GSG1L: variants seen among roughly 807,000 people sequenced by gnomAD.
GSG1L encodes the protein GSG1 like.
GSG1L carries 24 observed loss-of-function variants against 42.1 expected under a neutral mutation model. The ratio of observed to expected loss-of-function variants is 0.57; its 90% CI spans 0.41 to 0.80. GSG1L has a LOEUF of 0.80. Ranked by LOEUF, GSG1L falls within the 30% of genes least tolerant of loss-of-function variation. The pLI, the probability that GSG1L is intolerant of heterozygous loss-of-function variation, is 0.00. For missense variants in GSG1L, 445 were observed against 472.2 expected, an observed-to-expected ratio of 0.94 and a Z score of 0.53; for synonymous variants, 215 against 203.5, an observed-to-expected ratio of 1.06 and a Z score of -0.48.
intron 2 of GSG1L, among the ~76,000 whole-genome samples, chr16:27,889,836 C>T (rs553051659): frequency 2.0e-5 from 3 of 152,194 alleles, no homozygotes; most frequent in East Asian, 1.9e-4. Flanking sequence ...TCCTATGCTG[C>T]GCCTCTAGAT....
In GSG1L at chr16:27,936,889, G is replaced by A. The variant is rs149270958; in HGVS notation, c.397+26267C>T. ...CCAGCTCATTTAATTCAAAATAAAC[G>A]TCCAGGGCAGGAAAGTCATTGAGGC... is the stretch of plus-strand genomic sequence containing the variant. On this transcript the variant is annotated intron_variant, in intron 2 of 6. Coordinates refer to ENST00000447459, the MANE Select transcript of GSG1L (RefSeq NM_001109763.2). 2.9e-4 allele frequency among the ~76,000 whole-genome samples: 44 copies of A among 152,226 alleles called. 2 individuals carry two copies. The East Asian group carries it at 8.1e-3, about 28-fold the overall frequency.
intron 2 of GSG1L, among the ~76,000 whole-genome samples, chr16:27,962,777 G>A (rs377609606): frequency 9.2e-5 from 14 of 152,130 alleles, no homozygotes; most frequent in African/African-American, 3.1e-4. Flanking sequence ...ACAAAGGCCA[G>A]GCACCTGGCT....
intron 1 of GSG1L, among the ~76,000 whole-genome samples, chr16:28,045,698 A>G (rs1481349604): frequency 6.6e-6 from 1 of 151,946 alleles, no homozygotes; most frequent in Non-Finnish European, 1.5e-5. Flanking sequence ...AATACAATCA[A>G]GTCTTCCTAA....
chr16:27,832,058 T>G (rs920793073), intron 4 of GSG1L, among the ~76,000 whole-genome samples: 3 of 152,192 alleles, frequency 2.0e-5, no homozygotes, highest in Non-Finnish European at 4.4e-5. Flanking sequence ...TCTCCATCAT[T>G]CTGTATCACA....
rs559557117 is a variant in GSG1L, at chr16:27,914,414, T to A, written c.398-29776A>T. Among the ~76,000 whole-genome samples, 10 of 152,304 alleles carry A rather than the reference T, an allele frequency of 6.6e-5. No homozygotes were observed. The South Asian group carries it at 1.9e-3, about 28-fold the overall frequency. On this transcript the variant is annotated intron_variant, in intron 2 of 6. Transcript: ENST00000447459. The stretch of plus-strand genomic sequence containing the variant: ...TTCCAAATGTAATGATTATGAAGAA[T>A]GGAAAAATGGTTCTCTCTCCGAGCC...
intron 1 of GSG1L, among the ~76,000 whole-genome samples, chr16:28,017,467 G>T (rs1288224797): frequency 6.6e-6 from 1 of 152,216 alleles, no homozygotes; most frequent in African/African-American, 2.4e-5. Context: ...TCCATTCAAA[G>T]GAATCCGTGC....
chr16:28,044,618 G>A (rs925728111), intron 1 of GSG1L, among the ~76,000 whole-genome samples: 2 of 139,612 alleles, frequency 1.4e-5, no homozygotes, highest in Admixed American at 7.7e-5. Flanking sequence ...TGCAGGCAAC[G>A]AATGCTTTTT....
intron 1 of GSG1L, among the ~76,000 whole-genome samples, chr16:27,979,011 G>A (rs2085283057): frequency 6.6e-6 from 1 of 152,154 alleles, no homozygotes; most frequent in South Asian, 2.1e-4. Context: ...GAGGTGTCTA[G>A]GCTCAGAAGC....
intron 1 of GSG1L, among the ~76,000 whole-genome samples, chr16:28,057,323 C>T (rs147378644): frequency 8.2e-4 from 125 of 152,202 alleles, no homozygotes; most frequent in Middle Eastern, 6.8e-3. Flanking sequence ...TCTGATTGAC[C>T]GGCTGGCAGG....
At chr16:27,795,183 T>G (rs1440500215) in intron 6 of GSG1L, among the ~76,000 whole-genome samples, 1 of 151,844 alleles carries the variant, frequency 6.6e-6, no homozygotes, top group Non-Finnish European at 1.5e-5. Flanking sequence ...TGACTCTTTT[T>G]TTTTTCTTTT....
chr16:27,804,069 A>AGATAGAT (rs2082927230), intron 6 of GSG1L, among the ~76,000 whole-genome samples: 1 of 152,044 alleles, frequency 6.6e-6, no homozygotes, highest in South Asian at 2.1e-4. Flanking sequence ...ATAGATAGAT[A>AGATAGAT]GATAGATAGA....
intron 1 of GSG1L, chr16:27,998,227 C>T (rs1471446799): frequency 6.6e-6 from 1 of 152,188 alleles, no homozygotes; most frequent in Non-Finnish European, 1.5e-5. Flanking sequence ...TAATTTAGCT[C>T]CCATTTATAA....
chr16:27,869,546 C>A (rs1163112016), intron 3 of GSG1L, among the ~76,000 whole-genome samples: 1 of 134,246 alleles, frequency 7.4e-6, no homozygotes, highest in Non-Finnish European at 1.6e-5. Flanking sequence ...CTCTCTGTCT[C>A]CCTTCATCTC....
chr16:28,063,430 C>A lies in GSG1L; in HGVS notation c.-6G>T. ...CCGCGGCGGCTAGTCTTCATGCCGC[C>A]CGCGCCGCCGGGACGGGACTGCACC... On this transcript the variant is annotated 5_prime_UTR_variant, in exon 1 of 7. Coordinates refer to ENST00000447459, the MANE Select transcript of GSG1L (RefSeq NM_001109763.2). This position sits in a 1 kb window ranked among gnomAD's most constrained non-coding sequence, Gnocchi z 5.8. The A allele has an allele frequency of 2.4e-6, 3 of 1,257,570 alleles. No individual in the cohort carries two copies. The highest frequency in any genetic ancestry group is 3.0e-6 in the Non-Finnish European group (3 of 996,778). 77.9% of individuals were successfully genotyped at this position (1,257,570 alleles called of 1,614,324 possible).
intron 6 of GSG1L, among the ~76,000 whole-genome samples, chr16:27,803,795 A>AT: frequency 2.4e-5 from 1 of 42,394 alleles, no homozygotes; most frequent in Non-Finnish European, 5.5e-5. Context: ...ATATATATAT[A>AT]GATAGATAGA....
At chr16:27,803,628 C>T (rs868486921) in intron 6 of GSG1L, among the ~76,000 whole-genome samples, 1 of 151,990 alleles carries the variant, frequency 6.6e-6, no homozygotes, top group African/African-American at 2.4e-5. Context: ...TTATCTCCAA[C>T]CCCACAGTTC....
rs57397630 is a variant in GSG1L at position 27,989,738 on chromosome 16, T to TAA, written c.350-26537_350-26536dup. On this transcript the variant is annotated intron_variant, in intron 1 of 6. Transcript: ENST00000447459. ...CTGGGCAACAGAGTGAGACTCAGTCTAAAAAAAAAAAACAACAAACAATTA... is the reference window on the plus strand; with the variant it reads ...CTGGGCAACAGAGTGAGACTCAGTCTAAAAAAAAAAAAAACAACAAACAATTA... Among the ~76,000 whole-genome samples the TAA allele has an allele frequency of 2.9e-3, 407 of 140,286 alleles. 5 individuals carry two copies. Among genetic ancestry groups the TAA allele is most frequent in the Middle Eastern group, 7.4e-3 (2 of 272 alleles). 92.0% of individuals were successfully genotyped at this position (140,286 alleles called of 152,430 possible). A position where few individuals can be genotyped will look rare whatever the true frequency, so the allele number is the denominator to read the frequency against.
chr16:27,799,354 C>A (rs949326578), intron 6 of GSG1L, among the ~76,000 whole-genome samples: 7 of 151,878 alleles, frequency 4.6e-5, no homozygotes, highest in African/African-American at 1.7e-4. Flanking sequence ...AGCAACATAG[C>A]AAGACTCCAT....
intron 3 of GSG1L, among the ~76,000 whole-genome samples, chr16:27,863,590 C>T (rs1310745110): frequency 6.6e-6 from 1 of 152,020 alleles, no homozygotes; most frequent in African/African-American, 2.4e-5. Context: ...TTTATTTCTG[C>T]CAACTCCAGC....
Sources: allele counts gnomAD v4.1 joint callset (sites outside exome capture counted in the v4.1 genomes callset), GRCh38; gene constraint gnomAD v4.1.1; non-coding constraint Gnocchi (gnomAD v3.1); transcripts MANE v1.5; gene names NCBI Gene and HGNC (gene_info 2026-07-23, HGNC 2026-07-21).